RIN1: variants seen among roughly 807,000 people sequenced by gnomAD.
RIN1 encodes ras inhibitor 1.
Under a neutral mutation model 64.9 loss-of-function variants are expected in RIN1, and 52 were observed. That is an observed-to-expected ratio of 0.80 (90% CI 0.64 to 1.01). RIN1 has a LOEUF of 1.01. RIN1 is among the 50% of genes least tolerant of loss of function. RIN1 has a pLI of 0.00. For synonymous variants in RIN1, 486 were observed against 483.6 expected, an observed-to-expected ratio of 1.00 and a Z score of -0.06; for missense variants, 1,040 against 1,064.5, an observed-to-expected ratio of 0.98 and a Z score of 0.32.
At position 66,335,480 on chromosome 11, in the gene RIN1, C is replaced by T. The variant is rs750484575; in HGVS notation, c.474G>A (p.Pro158=). ...YCHTRDILLL[P]LQLPRAIHHA... Reference sequence around the variant, plus strand: ...GGTGGATGGCTCTGGGGAGCTGCAGCGGGAGGAGAAGGATGTCCCTGAGGC... The same window carrying T: ...GGTGGATGGCTCTGGGGAGCTGCAGTGGGAGGAGAAGGATGTCCCTGAGGC... The change falls in exon 5 of 10, where the codon CCG becomes CCA. Residue 158 remains proline, a synonymous_variant. Transcript: ENST00000311320. 34 of 1,613,314 alleles carry T rather than the reference C, an allele frequency of 2.1e-5. No individual in the cohort carries two copies. The highest frequency in any genetic ancestry group is 2.8e-5 in the Non-Finnish European group (33 of 1,179,688).
chr11:66,335,824 C>T lies in RIN1; in HGVS notation c.320G>A (p.Arg107Gln), dbSNP rs199563451. Residue 107 changes from arginine (R) to glutamine (Q), a missense_variant, in exon 3 of 10, where the codon CGG becomes CAG. Arg to Gln is a conservative substitution (Grantham distance 43, BLOSUM62 1). Transcript: ENST00000311320. Reference sequence around the variant, plus strand: ...GGAGGGGCCACTGGCTTCAGGCAACCGCATGCACAGGGCCTGGCACTGGCG... The same window carrying T: ...GGAGGGGCCACTGGCTTCAGGCAACTGCATGCACAGGGCCTGGCACTGGCG... ...NTRQCQALCMRLPEASGPSFV... is the reference protein window; with the variant it reads ...NTRQCQALCMQLPEASGPSFV... 2.7e-5 allele frequency: 43 copies of T among 1,607,404 alleles called. No individual in the cohort carries two copies. Among genetic ancestry groups the T allele is most frequent in the East Asian group, 1.1e-4 (5 of 44,780 alleles).
At position 66,334,910 on chromosome 11, in the gene RIN1, C is replaced by T. The variant is rs1416343132; in HGVS notation, c.889G>A (p.Val297Met). 24 of 1,580,608 alleles carry T rather than the reference C, an allele frequency of 1.5e-5. No individual in the cohort carries two copies. Among genetic ancestry groups the T allele is most frequent in the African/African-American group, 2.7e-5 (2 of 74,386 alleles). The change falls in exon 6 of 10, where the codon GTG becomes ATG. Residue 297 changes from valine (V) to methionine (M), a missense_variant. Val to Met is a conservative substitution (Grantham distance 21, BLOSUM62 1). Transcript: ENST00000311320. ...AGGCTAGGGCCACTGCCTGCTGGCA[C>T]GCGGTACCCCACTGAGCTCTCCCTC... ...LRRESSVGYRVPAGSGPSLPP... is the reference protein window; with the variant it reads ...LRRESSVGYRMPAGSGPSLPP...
Position 66,335,216 on chromosome 11 carries a change from G to T in RIN1, c.583C>A (p.Arg195=), listed in dbSNP as rs549656126. The change falls in exon 6 of 10, where the codon CGG becomes AGG. Residue 195 remains arginine, a synonymous_variant. Coordinates refer to ENST00000311320, the MANE Select transcript of RIN1 (RefSeq NM_004292.3). ...WSSSLNIKAQ[R]GPAGGPVLPQ... is the part of the protein sequence containing the mutation. ...AACACTGGGCCTCCAGCCGGGCCCCGCTGAGCCTTGATGTTGAGGGAGGAG... is the reference window on the plus strand; with the variant it reads ...AACACTGGGCCTCCAGCCGGGCCCCTCTGAGCCTTGATGTTGAGGGAGGAG... 12 of 1,571,996 alleles carry T rather than the reference G, an allele frequency of 7.6e-6. No individual in the cohort carries two copies. Among genetic ancestry groups the T allele is most frequent in the Non-Finnish European group, 7.7e-6 (9 of 1,170,262 alleles).
Position 66,335,985 on chromosome 11 carries a change from G to A in RIN1, c.260C>T (p.Pro87Leu), listed in dbSNP as rs560936419. 1.4e-6 allele frequency: 2 copies of A among 1,476,328 alleles called. No homozygotes were observed. Among genetic ancestry groups the A allele is most frequent in the South Asian group, 1.4e-5 (1 of 70,134 alleles). 91.5% of individuals were successfully genotyped at this position (1,476,328 alleles called of 1,614,324 possible). The part of the protein sequence containing the change: ...AAALHMLRTE[P>L]PGTFLVRKSN... Reference sequence around the variant, plus strand: ...GTGTGGGGCAAGACTCACCCCCGGGGGCTCGGTCCTCAGCATGTGCAGTGC... The same window carrying A: ...GTGTGGGGCAAGACTCACCCCCGGGAGCTCGGTCCTCAGCATGTGCAGTGC... Residue 87 changes from proline to leucine, a missense_variant, in exon 2 of 10, where the codon CCC becomes CTC. Physicochemically the swap from Pro to Leu is moderately conservative, Grantham distance 98 (BLOSUM62 -3). Coordinates refer to ENST00000311320, the MANE Select transcript of RIN1 (RefSeq NM_004292.3).
In RIN1 at chr11:66,335,004, G is replaced by A; in HGVS notation, c.795C>T (p.Pro265=). Residue 265 remains proline (P), a synonymous_variant, in exon 6 of 10, where the codon CCC becomes CCT. Transcript: ENST00000311320. Reference sequence around the variant, plus strand: ...CTGCCCCTGGCAGCACGGGGACGGGGGGAGGTGGCACGGCAGGTGGAGACA... The same window carrying A: ...CTGCCCCTGGCAGCACGGGGACGGGAGGAGGTGGCACGGCAGGTGGAGACA... ...SPLSPPAVPP[P]PVPVLPGAVP... is the part of the protein sequence containing the mutation. 1 of 1,543,912 alleles carries A rather than the reference G, an allele frequency of 6.5e-7. No homozygotes were observed. Among genetic ancestry groups the A allele is most frequent in the South Asian group, 1.3e-5 (1 of 79,634 alleles).
At chr11:66,336,517 C>A, upstream of RIN1, 1 of 870,838 alleles carries the variant, frequency 1.1e-6, no homozygotes, top group Non-Finnish European at 1.8e-6. Context: ...CCAGTTAACT[C>A]TTGTGTGTCC....
At position 66,335,201 on chromosome 11, in the gene RIN1, C is replaced by T. The variant is rs1433238371; in HGVS notation, c.598G>A (p.Gly200Ser). The change falls in exon 6 of 10, where the codon GGC (glycine) becomes AGC (serine). Residue 200 changes from glycine (G) to serine (S), a missense_variant. Gly to Ser is a moderately conservative substitution (Grantham distance 56, BLOSUM62 0). Transcript: ENST00000311320. The part of the protein sequence containing the change: ...NIKAQRGPAG[G>S]PVLPQLKARS... ...GCCTTCAGCTGGGGCAACACTGGGCCTCCAGCCGGGCCCCGCTGAGCCTTG... is the reference window on the plus strand; with the variant it reads ...GCCTTCAGCTGGGGCAACACTGGGCTTCCAGCCGGGCCCCGCTGAGCCTTG... 1.3e-6 allele frequency: 2 copies of T among 1,567,014 alleles called. No homozygotes were observed. Among genetic ancestry groups the T allele is most frequent in the South Asian group, 2.4e-5 (2 of 84,706 alleles).
chr11:66,334,169 G>A lies in RIN1; in HGVS notation c.1341C>T (p.Ile447=), dbSNP rs755423935. The change falls in exon 7 of 10, where the codon ATC becomes ATT. Residue 447 remains isoleucine, a synonymous_variant. Coordinates refer to ENST00000311320, the MANE Select transcript of RIN1 (RefSeq NM_004292.3). ...HCSVLKPLRP[I]LAARLRRRLA... Reference sequence around the variant, plus strand: ...GCCGGCGCCGCAGGCGGGCTGCCAGGATGGGCCGGAGAGGCTTGAGCACAG... The same window carrying A: ...GCCGGCGCCGCAGGCGGGCTGCCAGAATGGGCCGGAGAGGCTTGAGCACAG... The A allele has an allele frequency of 1.3e-6, 2 of 1,535,924 alleles. No homozygotes were observed. The highest frequency in any genetic ancestry group is 1.7e-6 in the Non-Finnish European group (2 of 1,146,302).
chr11:66,335,604 A>C lies in RIN1; in HGVS notation c.455+6T>G. ...TGGACACCAGGCACCCTGCGGGCAGACTCACCGGGTGTGGCAGTAGGCACA... is the reference window on the plus strand; with the variant it reads ...TGGACACCAGGCACCCTGCGGGCAGCCTCACCGGGTGTGGCAGTAGGCACA... On this transcript the variant is annotated splice_donor_region_variant and intron_variant, in intron 4 of 9. Transcript: ENST00000311320. The C allele has an allele frequency of 6.2e-7, 1 of 1,613,570 alleles. No individual in the cohort carries two copies. Among genetic ancestry groups the C allele is most frequent in the Non-Finnish European group, 8.5e-7 (1 of 1,179,792 alleles).
At position 66,335,453 on chromosome 11, in the gene RIN1, G is replaced by A. The variant is rs143847360; in HGVS notation, c.501C>T (p.His167=). The A allele has an allele frequency of 2.4e-5, 38 of 1,613,710 alleles. No individual in the cohort carries two copies. Among genetic ancestry groups the A allele is most frequent in the South Asian group, 1.9e-4 (17 of 91,070 alleles). The change falls in exon 5 of 10, where the codon CAC becomes CAT. Residue 167 remains histidine, a synonymous_variant. Coordinates refer to ENST00000311320, the MANE Select transcript of RIN1 (RefSeq NM_004292.3). ...LPLQLPRAIH[H]AATHKELEAI... is the part of the protein sequence containing the mutation. Reference sequence around the variant, plus strand: ...CCTCCAGCTCTTTGTGAGTGGCTGCGTGGTGGATGGCTCTGGGGAGCTGCA... The same window carrying A: ...CCTCCAGCTCTTTGTGAGTGGCTGCATGGTGGATGGCTCTGGGGAGCTGCA...
chr11:66,336,688 C>G, upstream of RIN1: 1 of 426,086 alleles, frequency 2.3e-6, no homozygotes, highest in South Asian at 3.6e-5. Context: ...CACACGTGGG[C>G]GGGAAGTGGT....
In RIN1 at chr11:66,336,012, G is replaced by A. The variant is rs1376525662; in HGVS notation, c.233C>T (p.Ala78Val). 1 of 1,468,312 alleles carries A rather than the reference G, an allele frequency of 6.8e-7. No individual in the cohort carries two copies. Among genetic ancestry groups the A allele is most frequent in the Non-Finnish European group, 9.0e-7 (1 of 1,108,758 alleles). The allele number at this position is 1,468,312 out of a possible 1,614,324, so 91.0% of individuals were successfully genotyped here. A position where few individuals can be genotyped will look rare whatever the true frequency, so the allele number is the denominator to read the frequency against. Residue 78 changes from alanine to valine, a missense_variant, in exon 2 of 10, where the codon GCC (alanine) becomes GTC (valine). Ala to Val is a moderately conservative substitution (Grantham distance 64). Transcript: ENST00000311320. ...VWLQLQANAA[A>V]ALHMLRTEPP... ...CTCGGTCCTCAGCATGTGCAGTGCG[G>A]CCGCTGCGTTGGCTTGCAGCTGCAG...
At chr11:66,333,225 C>T (rs1854780208) in intron 9 of RIN1, 33 bp downstream of exon 9, 1 of 1,605,560 alleles carries the variant, frequency 6.2e-7, no homozygotes, top group Non-Finnish European at 8.5e-7. Flanking sequence ...GGGATGGCGT[C>T]TGGCTCTGAG....
chr11:66,333,201 G>T, intron 9 of RIN1, 57 bp downstream of exon 9: 1 of 1,582,974 alleles, frequency 6.3e-7, no homozygotes, highest in Non-Finnish European at 8.6e-7. Flanking sequence ...CCAAGGACAG[G>T]AAGGTGAAAG....
chr11:66,332,211 G>A lies in RIN1; in HGVS notation c.*65C>T, dbSNP rs761478592. ...AGGGCCCTGGGTGGGGCTTGCTGGC[G>A]CTAAAAGGATTTCTCAGCAGGCTCA... On this transcript the variant is annotated 3_prime_UTR_variant, in exon 10 of 10. Transcript: ENST00000311320. The A allele has an allele frequency of 3.0e-5, 44 of 1,474,930 alleles. No homozygotes were observed. The highest frequency in any genetic ancestry group is 2.5e-4 in the African/African-American group (18 of 72,286). The allele number at this position is 1,474,930 out of a possible 1,614,324, so 91.4% of individuals were successfully genotyped here.
In RIN1 at chr11:66,335,094, G is replaced by A; in HGVS notation, c.705C>T (p.Pro235=). The part of the protein sequence containing the change: ...FNPLFPGDLG[P]TKREKFKRSF... ...TTCTCTTGAATTTCTCCCGCTTGGTGGGCCCTAGGTCCCCCGGGAACAGGG... is the reference window on the plus strand; with the variant it reads ...TTCTCTTGAATTTCTCCCGCTTGGTAGGCCCTAGGTCCCCCGGGAACAGGG... Residue 235 remains proline (P), a synonymous_variant, in exon 6 of 10, where the codon CCC becomes CCT. Transcript: ENST00000311320. 1 of 1,529,644 alleles carries A rather than the reference G, an allele frequency of 6.5e-7. No homozygotes were observed. The highest frequency in any genetic ancestry group is 8.8e-7 in the Non-Finnish European group (1 of 1,140,520). 94.8% of individuals were successfully genotyped at this position (1,529,644 alleles called of 1,614,324 possible).
intron 7 of RIN1, 68 bp downstream of exon 7, chr11:66,333,851 C>T: frequency 6.9e-7 from 1 of 1,455,792 alleles, no homozygotes; most frequent in East Asian, 2.5e-5. Context: ...GTCCTGGGGA[C>T]CTGCCGCTGG....
In RIN1 at chr11:66,332,755, A is replaced by G; in HGVS notation, c.1876-3T>C. The G allele has an allele frequency of 6.6e-7, 1 of 1,508,810 alleles. No individual in the cohort carries two copies. Among genetic ancestry groups the G allele is most frequent in the Middle Eastern group, 1.8e-4 (1 of 5,584 alleles). 93.5% of individuals were successfully genotyped at this position (1,508,810 alleles called of 1,614,324 possible). A position where few individuals can be genotyped will look rare whatever the true frequency, so the allele number is the denominator to read the frequency against. On this transcript the variant is annotated splice_polypyrimidine_tract_variant and splice_region_variant and intron_variant, in intron 9 of 9. Transcript: ENST00000311320. ...TGATAGGCTACTCGGAGGAGGTGCT[A>G]TGCAGGAGGAGAAGCAAAAACAAGT...
In RIN1 at chr11:66,335,503, G is replaced by A. The variant is rs1375315025; in HGVS notation, c.456-5C>T. The stretch of plus-strand genomic sequence containing the variant: ...AGCGGGAGGAGAAGGATGTCCCTGA[G>A]GCCAGAGAGGGGAGCAGAAGGGAGT... On this transcript the variant is annotated splice_polypyrimidine_tract_variant and splice_region_variant and intron_variant, in intron 4 of 9. Transcript: ENST00000311320. 1.9e-6 allele frequency: 3 copies of A among 1,613,702 alleles called. No homozygotes were observed. The highest frequency in any genetic ancestry group is 1.7e-4 in the Middle Eastern group (1 of 6,058).
Sources: gnomAD v4.1 joint callset for allele counts on GRCh38, gnomAD v4.1.1 for gene constraint, MANE v1.5 for transcripts, NCBI Gene and HGNC (gene_info 2026-07-23, HGNC 2026-07-21) for gene names.